The following GYS2 variants were observed in gnomAD, a reference collection of about 807,000 sequenced individuals.
GYS2 encodes glycogen synthase 2, also known as glycogen [starch] synthase, liver.
Under a neutral mutation model 85.6 loss-of-function variants are expected in GYS2, and 80 were observed. That is an observed-to-expected ratio of 0.93 (90% confidence interval 0.78 to 1.13). The LOEUF is 1.13. Among genes scored for constraint, GYS2 ranks in the 50% most tolerant of loss-of-function variants. GYS2 has a pLI of 0.00. For missense variants in GYS2, 881 were observed against 854.9 expected (o/e 1.03, Z -0.38); for synonymous variants, 328 against 300.7 (o/e 1.09, Z -0.94).
chr12:21,542,249 C>T (rs959147553), intron 13 of GYS2, among the ~76,000 whole-genome samples: 2 of 152,060 alleles, frequency 1.3e-5, no homozygotes, highest in Non-Finnish European at 2.9e-5. Flanking sequence ...GGGATTTTGC[C>T]GTGTTGGCCA....
At chr12:21,541,530 A>G (rs1043643384) in intron 13 of GYS2, among the ~76,000 whole-genome samples, 5 of 152,030 alleles carry the variant, frequency 3.3e-5, no homozygotes, top group Non-Finnish European at 7.4e-5. Flanking sequence ...GACCATGGTT[A>G]TTGTCATATC....
At position 21,536,738 on chromosome 12, in the gene GYS2, T is replaced by A; in HGVS notation, c.*216A>T. On this transcript the variant is annotated 3_prime_UTR_variant, in exon 16 of 16. Transcript: ENST00000261195. ...TTTAATGAGTGCTCCTCCTCATGCC[T>A]AACTTTATGGGGGAAACAAGAGTTG... The A allele has an allele frequency of 3.4e-6, 2 of 582,936 alleles. No homozygotes were observed. The highest frequency in any genetic ancestry group is 4.1e-5 in the South Asian group (2 of 48,868). The allele number at this position is 582,936 out of a possible 1,614,324, so 36.1% of individuals were successfully genotyped here.
intron 5 of GYS2, among the ~76,000 whole-genome samples, chr12:21,567,119 G>A (rs982901307): frequency 2.0e-5 from 3 of 152,116 alleles, no homozygotes; most frequent in Admixed American, 6.5e-5. Context: ...CCCTGAATTC[G>A]ATGATTTTTG....
intron 1 of GYS2, among the ~76,000 whole-genome samples, chr12:21,587,226 C>T (rs185384196): frequency 2.6e-5 from 4 of 152,154 alleles, no homozygotes; most frequent in Non-Finnish European, 1.5e-5. Context: ...TGAAAAACTA[C>T]GGATTGGATA....
In GYS2 at chr12:21,537,101, C is replaced by G. The variant is rs117639846; in HGVS notation, c.1965G>C (p.Gln655His). 0.023 allele frequency: 37,452 copies of G among 1,613,808 alleles called. 540 individuals carry two copies. The highest frequency in any genetic ancestry group is 0.036 in the Middle Eastern group (216 of 6,058). The part of the protein sequence containing the change: ...SPSGSQASSP[Q>H]SSDVEDEVED... ...CCACTTCATCTTCCACATCACTGCTCTGAGGACTGGAGGCCTGAGACCCTG... is the reference window on the plus strand; with the variant it reads ...CCACTTCATCTTCCACATCACTGCTGTGAGGACTGGAGGCCTGAGACCCTG... The change falls in exon 16 of 16, where the codon CAG becomes CAC. Residue 655 changes from glutamine to histidine, a missense_variant. Coordinates refer to ENST00000261195, the MANE Select transcript of GYS2 (RefSeq NM_021957.4).
At chr12:21,593,362 A>G (rs4762849) in intron 1 of GYS2, among the ~76,000 whole-genome samples, 133,533 of 151,368 alleles carry the variant, frequency 0.88, 59,577 homozygotes, top group East Asian at 0.99. Flanking sequence ...AAATGGATAT[A>G]GCTCTAGCTA....
chr12:21,594,001 A>G (rs1009083852), intron 1 of GYS2, among the ~76,000 whole-genome samples: 1 of 152,222 alleles, frequency 6.6e-6, no homozygotes, highest in Non-Finnish European at 1.5e-5. Context: ...AACAAAAACC[A>G]TATGATCATC....
chr12:21,534,541 GAAAT>G (rs1466674283), downstream of GYS2, among the ~76,000 whole-genome samples: 5 of 110,740 alleles, frequency 4.5e-5, no homozygotes, highest in South Asian at 2.8e-4. Flanking sequence ...AAGAAGGAAA[GAAAT>G]AAAGAGAGAA....
intron 15 of GYS2, among the ~76,000 whole-genome samples, chr12:21,538,676 T>C (rs1943937733): frequency 6.6e-6 from 1 of 152,134 alleles, no homozygotes; most frequent in Non-Finnish European, 1.5e-5. Flanking sequence ...CAAGGACTGA[T>C]CCCACTAAAG....
intron 11 of GYS2, among the ~76,000 whole-genome samples, chr12:21,555,053 G>A (rs1251586583): frequency 3.9e-5 from 6 of 152,138 alleles, no homozygotes. Context: ...GTGCCAGGCA[G>A]CAGACAGATC....
At chr12:21,593,350 T>TA (rs1453649907) in intron 1 of GYS2, among the ~76,000 whole-genome samples, 2 of 151,002 alleles carry the variant, frequency 1.3e-5, no homozygotes, top group Non-Finnish European at 3.0e-5. Flanking sequence ...TTAAAAAAGA[T>TA]AAAATGGATA....
chr12:21,540,526 T>C lies in GYS2; in HGVS notation c.1693A>G (p.Asn565Asp). ...RRFRSPDDSC[N>D]QLTKFLYGFC... ...CCATAGAGAAACTTAGTCAGCTGAT[T>C]GCAAGAATCATCTGGAGAACGGAAC... The change falls in exon 14 of 16, where the codon AAT (asparagine) becomes GAT (aspartate). Residue 565 changes from asparagine to aspartate, a missense_variant. By Grantham distance (23) the Asn-to-Asp change is conservative. Coordinates refer to ENST00000261195, the MANE Select transcript of GYS2 (RefSeq NM_021957.4). 1 of 1,614,024 alleles carries C rather than the reference T, an allele frequency of 6.2e-7. No individual in the cohort carries two copies. Among genetic ancestry groups the C allele is most frequent in the African/African-American group, 1.3e-5 (1 of 75,046 alleles).
At chr12:21,532,690 T>A (rs1943877340), downstream of GYS2, 1 of 152,190 alleles carries the variant, frequency 6.6e-6, no homozygotes, top group South Asian at 2.1e-4. Context: ...TATTTACCCA[T>A]CAGACATAAA....
chr12:21,548,806 AT>A (rs1944072315), intron 11 of GYS2, among the ~76,000 whole-genome samples: 1 of 152,050 alleles, frequency 6.6e-6, no homozygotes, highest in South Asian at 2.1e-4. Context: ...ACAATGTGCT[AT>A]TTTTCCCAGC....
At chr12:21,569,601 A>G (rs1944362658) in intron 4 of GYS2, among the ~76,000 whole-genome samples, 1 of 152,228 alleles carries the variant, frequency 6.6e-6, no homozygotes, top group Non-Finnish European at 1.5e-5. Context: ...AACTTAAAAA[A>G]AGTCAAATTC....
chr12:21,574,824 A>G (rs1333347125), intron 3 of GYS2, among the ~76,000 whole-genome samples: 3 of 151,998 alleles, frequency 2.0e-5, no homozygotes, highest in Admixed American at 2.0e-4. Flanking sequence ...CCAGGAAGAG[A>G]CTTGAAAATG....
intron 11 of GYS2, among the ~76,000 whole-genome samples, chr12:21,556,650 G>A (rs1395264851): frequency 3.9e-5 from 6 of 152,130 alleles, no homozygotes; most frequent in Admixed American, 2.0e-4. Context: ...ATCAGAAACC[G>A]AACTCAGTTC....
chr12:21,554,722 G>A (rs1207259868), intron 11 of GYS2, among the ~76,000 whole-genome samples: 3 of 152,124 alleles, frequency 2.0e-5, no homozygotes, highest in Non-Finnish European at 4.4e-5. Flanking sequence ...GAACCCAGAA[G>A]AATTGTTAGA....
rs373027409 is a variant in GYS2 at position 21,546,423 on chromosome 12, G to C, written c.1470C>G (p.Pro490=). 1 of 1,585,530 alleles carries C rather than the reference G, an allele frequency of 6.3e-7. No homozygotes were observed. The highest frequency in any genetic ancestry group is 1.7e-5 in the Admixed American group (1 of 59,834). Residue 490 remains proline, a synonymous_variant, in exon 12 of 16, where the codon CCC becomes CCG. Coordinates refer to ENST00000261195, the MANE Select transcript of GYS2 (RefSeq NM_021957.4). ...CTCTAACAAACTCTTCATAGTCCATGGGTAGTAAGGGACTGGTGGAGGATA... is the reference window on the plus strand; with the variant it reads ...CTCTAACAAACTCTTCATAGTCCATCGGTAGTAAGGGACTGGTGGAGGATA... ...EFLSSTSPLL[P]MDYEEFVRGC...
Sources: allele counts gnomAD v4.1 joint callset (sites outside exome capture counted in the v4.1 genomes callset), GRCh38; gene constraint gnomAD v4.1.1; transcripts MANE v1.5; gene names NCBI Gene and HGNC (gene_info 2026-07-23, HGNC 2026-07-21).